Variants in CLIC5 observed in about 807,000 individuals in gnomAD.
The protein encoded by CLIC5 is chloride intracellular channel protein 5.
In CLIC5, 20 loss-of-function variants were observed where a neutral mutation model predicts 24.7. That is an observed-to-expected ratio of 0.81 (90% CI 0.57 to 1.18). The LOEUF (loss-of-function observed/expected upper bound fraction) is 1.18, where lower values mean the gene tolerates loss of function less well. Ranked by LOEUF, CLIC5 falls within the 50% of genes most tolerant of loss-of-function variation. CLIC5 has a pLI of 0.00. For missense variants in CLIC5, 341 were observed against 326.1 expected, an observed-to-expected ratio of 1.05 and a Z score of -0.35; for synonymous variants, 159 against 135.6, an observed-to-expected ratio of 1.17 and a Z score of -1.20.
chr6:45,893,242 T>C (rs1762368206), intron 6 of CLIC5, among the ~76,000 whole-genome samples: 1 of 149,030 alleles, frequency 6.7e-6, no homozygotes, highest in Admixed American at 6.6e-5. Context: ...TTTTTTTTTT[T>C]GTTTTAAGAA....
At position 45,900,708 on chromosome 6, in the gene CLIC5, A is replaced by G. The variant is rs1762489181; in HGVS notation, c.*2380T>C. The G allele has an allele frequency of 6.6e-6, 1 of 151,520 alleles. No individual in the cohort carries two copies. Among genetic ancestry groups the G allele is most frequent in the Non-Finnish European group, 1.5e-5 (1 of 67,902 alleles). 9.4% of individuals were successfully genotyped at this position (151,520 alleles called of 1,614,324 possible). On this transcript the variant is annotated 3_prime_UTR_variant, in exon 6 of 6. Coordinates refer to ENST00000339561, the MANE Select transcript of CLIC5 (RefSeq NM_016929.5). ...GTACCCAGAAGTGCCTTCCTTCTGTACTCCTCCCTCTCTTTCAAATGGCTA... is the reference window on the plus strand; with the variant it reads ...GTACCCAGAAGTGCCTTCCTTCTGTGCTCCTCCCTCTCTTTCAAATGGCTA...
At chr6:46,040,668 G>T (rs1767782628) in intron 1 of CLIC5, among the ~76,000 whole-genome samples, 1 of 152,116 alleles carries the variant, frequency 6.6e-6, no homozygotes, top group Non-Finnish European at 1.5e-5. Context: ...GCTGATAATA[G>T]TAATGGTGTT....
intron 4 of CLIC5, chr6:45,920,828 C>G (rs1763227356): frequency 6.9e-6 from 1 of 145,922 alleles, no homozygotes; most frequent in Admixed American, 7.1e-5. Flanking sequence ...GCCAAGCAGG[C>G]AGAAATGTAG....
intron 1 of CLIC5, among the ~76,000 whole-genome samples, chr6:46,071,494 G>A (rs546820581): frequency 4.6e-5 from 7 of 151,986 alleles, no homozygotes; most frequent in East Asian, 1.9e-4. Context: ...AAAGCTTATC[G>A]CTAATTATTA....
chr6:45,941,121 G>C (rs562717252), intron 4 of CLIC5, among the ~76,000 whole-genome samples: 1 of 152,138 alleles, frequency 6.6e-6, no homozygotes, highest in Admixed American at 6.5e-5. Flanking sequence ...CCTCTCCCTT[G>C]GCCTCTGGAA....
chr6:45,912,825 G>C, intron 5 of CLIC5: 1 of 941,496 alleles, frequency 1.1e-6, no homozygotes, highest in Admixed American at 2.0e-5. Context: ...GGACCTACAA[G>C]TGACTATTGG....
At chr6:46,095,608 A>G in the CLIC5 span, among the ~76,000 whole-genome samples, 1 of 152,214 alleles carries the variant, frequency 6.6e-6, no homozygotes, top group African/African-American at 2.4e-5. Context: ...CAAAAGCGAC[A>G]TTTGTTTGAG....
intron 1 of CLIC5, among the ~76,000 whole-genome samples, chr6:45,994,939 A>G (rs1399858874): frequency 6.6e-6 from 1 of 152,258 alleles, no homozygotes; most frequent in Non-Finnish European, 1.5e-5. Context: ...TTAAATTTTC[A>G]TATAAACTTG....
intron 3 of CLIC5, among the ~76,000 whole-genome samples, chr6:45,944,341 C>T (rs1250339777): frequency 6.6e-6 from 1 of 151,918 alleles, no homozygotes; most frequent in Non-Finnish European, 1.5e-5. Context: ...TAGTTTATGG[C>T]TTCTTTCACA....
intron 1 of CLIC5, among the ~76,000 whole-genome samples, chr6:45,962,197 T>C (rs927181046): frequency 5.3e-5 from 8 of 150,256 alleles, no homozygotes; most frequent in Non-Finnish European, 7.4e-5. Context: ...TATATATATA[T>C]ACACATATAT....
chr6:45,888,407 T>G (rs1019211944), intron 6 of CLIC5, among the ~76,000 whole-genome samples: 1 of 152,200 alleles, frequency 6.6e-6, no homozygotes, highest in Non-Finnish European at 1.5e-5. Context: ...GAAAGAGAGA[T>G]AATGCTAGCA....
At chr6:46,048,828 A>G (rs984667101) in intron 1 of CLIC5, among the ~76,000 whole-genome samples, 5 of 152,200 alleles carry the variant, frequency 3.3e-5, no homozygotes, top group Non-Finnish European at 2.9e-5. Flanking sequence ...CATGTCAGTC[A>G]GGCACATGCA....
chr6:46,008,464 CAT>C (rs1019318855), intron 1 of CLIC5, among the ~76,000 whole-genome samples: 1 of 152,184 alleles, frequency 6.6e-6, no homozygotes, highest in African/African-American at 2.4e-5. Context: ...TCCTGTCACT[CAT>C]GTGCCACTGA....
intron 1 of CLIC5, among the ~76,000 whole-genome samples, chr6:45,970,033 A>T (rs1765146683): frequency 6.6e-6 from 1 of 152,184 alleles, no homozygotes; most frequent in Admixed American, 6.5e-5. Context: ...TGCATCTGCC[A>T]TCTTCAAGGT....
rs188744915 is a variant in CLIC5 at position 45,930,330 on chromosome 6, A to T, written c.406+11217T>A. Among the ~76,000 whole-genome samples, 21 of 152,202 alleles carry T rather than the reference A, an allele frequency of 1.4e-4. No homozygotes were observed. The East Asian group carries it at 2.3e-3, about 17-fold the overall frequency. ...TAAAGACTCGAGATTGTAGAAGGAGAAGAGGAAAGGGAGAAAGAAGCATTT... is the reference window on the plus strand; with the variant it reads ...TAAAGACTCGAGATTGTAGAAGGAGTAGAGGAAAGGGAGAAAGAAGCATTT... On this transcript the variant is annotated intron_variant, in intron 4 of 5. Transcript: ENST00000339561.
intron 1 of CLIC5, among the ~76,000 whole-genome samples, chr6:46,043,337 A>T (rs1010994454): frequency 4.6e-5 from 7 of 152,216 alleles, no homozygotes; most frequent in Non-Finnish European, 8.8e-5. Flanking sequence ...TAGAAGTTTT[A>T]AGAAGCTGGC....
At chr6:45,942,056 G>T (rs967225556) in intron 3 of CLIC5, among the ~76,000 whole-genome samples, 2 of 152,134 alleles carry the variant, frequency 1.3e-5, no homozygotes, top group African/African-American at 4.8e-5. Context: ...ACCATCTACT[G>T]CCAGTCCTGT....
intron 1 of CLIC5, among the ~76,000 whole-genome samples, chr6:46,011,610 G>A (rs1034171957): frequency 6.6e-6 from 1 of 152,198 alleles, no homozygotes; most frequent in Non-Finnish European, 1.5e-5. Flanking sequence ...AGACACTTGC[G>A]GCGAGCTTGT....
intron 1 of CLIC5, among the ~76,000 whole-genome samples, chr6:45,992,007 T>G (rs1765960182): frequency 6.6e-6 from 1 of 152,130 alleles, no homozygotes; most frequent in Non-Finnish European, 1.5e-5. Flanking sequence ...GCAAAAATAA[T>G]TAACAAGAGG....
Sources: gnomAD v4.1 joint callset for allele counts (sites outside exome capture counted in the v4.1 genomes callset) on GRCh38, gnomAD v4.1.1 for gene constraint, MANE v1.5 for transcripts, NCBI Gene and HGNC (gene_info 2026-07-23, HGNC 2026-07-21) for gene names.